C4orf51: variants seen among roughly 807,000 people sequenced by gnomAD.
The protein encoded by C4orf51 is chromosome 4 open reading frame 51, also known as uncharacterized protein C4orf51.
C4orf51 carries 25 observed loss-of-function variants against 25.2 expected under a neutral mutation model. The observed-to-expected ratio is 0.99, with a 90% CI of 0.72 to 1.39. The LOEUF (loss-of-function observed/expected upper bound fraction) is 1.39. Among genes scored for constraint, C4orf51 ranks in the 40% most tolerant of loss-of-function variants. The pLI is 0.00. For synonymous variants in C4orf51, 100 were observed against 84.5 expected (o/e 1.18, Z -1.01); for missense variants, 252 against 239.6 (o/e 1.05, Z -0.34).
At chr4:145,714,977 C>A (rs567207370) in intron 2 of C4orf51, among the ~76,000 whole-genome samples, 7 of 152,302 alleles carry the variant, frequency 4.6e-5, no homozygotes, top group African/African-American at 1.7e-4. Context: ...TGTTTGTCTT[C>A]CCTAGAGCAG....
At chr4:145,775,707 G>A, downstream of C4orf51, 2 of 1,537,136 alleles carry the variant, frequency 1.3e-6, no homozygotes, top group Non-Finnish European at 1.8e-6. Flanking sequence ...GCCTCGTGAT[G>A]TATGCCCACA....
In C4orf51 at chr4:145,765,531, C is replaced by A; in HGVS notation, n.167-5457C>A. The stretch of plus-strand genomic sequence containing the variant: ...GTGCGGAGGGTTGAGCAGGCTCACA[C>A]CCACCTCCTCCTTACCTTTCTCTGG... On this transcript the variant is annotated intron_variant and non_coding_transcript_variant, in intron 1 of 1. Transcript: ENST00000510096. This position sits in a 1 kb window ranked among gnomAD's most constrained non-coding sequence, Gnocchi z 4.7. The A allele has an allele frequency of 6.2e-7, 1 of 1,602,298 alleles. No homozygotes were observed. Among genetic ancestry groups the A allele is most frequent in the Admixed American group, 1.7e-5 (1 of 59,252 alleles).
chr4:145,705,816 A>G (rs1730773618), intron 2 of C4orf51, among the ~76,000 whole-genome samples: 1 of 152,186 alleles, frequency 6.6e-6, no homozygotes, highest in South Asian at 2.1e-4. Flanking sequence ...GATTATTAGA[A>G]TTAGAAGAAT....
intron 2 of C4orf51, among the ~76,000 whole-genome samples, chr4:145,723,238 G>A (rs1731844810): frequency 2.0e-5 from 3 of 152,044 alleles, no homozygotes; most frequent in African/African-American, 7.3e-5. Flanking sequence ...CTGCTTCTAA[G>A]TTGTATTGTT....
At chr4:145,712,259 T>G (rs1312700635) in intron 2 of C4orf51, among the ~76,000 whole-genome samples, 1 of 152,176 alleles carries the variant, frequency 6.6e-6, no homozygotes, top group African/African-American at 2.4e-5. Flanking sequence ...TACTTTAAAT[T>G]AAAAGCTAGA....
intron 2 of C4orf51, among the ~76,000 whole-genome samples, chr4:145,714,616 AT>A (rs1213672756): frequency 6.6e-6 from 1 of 152,128 alleles, no homozygotes; most frequent in East Asian, 1.9e-4. Context: ...TTTCATAACA[AT>A]TATTTTAAAT....
chr4:145,750,530 GTTAC>G (rs1320410245), intron 1 of C4orf51, among the ~76,000 whole-genome samples: 2 of 147,618 alleles, frequency 1.4e-5, no homozygotes, highest in African/African-American at 5.0e-5. Flanking sequence ...TCCATTGTAT[GTTAC>G]TTGTTTCTTT....
chr4:145,788,822 C>T, the C4orf51 span, among the ~76,000 whole-genome samples: 1 of 152,156 alleles, frequency 6.6e-6, no homozygotes, highest in Non-Finnish European at 1.5e-5. Flanking sequence ...ATTTATAAGT[C>T]TTTGTTAGAA....
At chr4:145,768,722 G>C (rs1159586997) in intron 1 of C4orf51, among the ~76,000 whole-genome samples, 1 of 149,370 alleles carries the variant, frequency 6.7e-6, no homozygotes, top group Non-Finnish European at 1.5e-5. Flanking sequence ...GCCAGGTGTG[G>C]TGGCATATGC....
intron 1 of C4orf51, among the ~76,000 whole-genome samples, chr4:145,742,973 T>G (rs1173103206): frequency 6.6e-6 from 1 of 152,086 alleles, no homozygotes; most frequent in African/African-American, 2.4e-5. Context: ...TAAACAGAGC[T>G]CTTTGATGGA....
the C4orf51 span, among the ~76,000 whole-genome samples, chr4:145,791,192 G>C: frequency 5.9e-5 from 9 of 152,186 alleles, no homozygotes; most frequent in Admixed American, 3.3e-4. Context: ...TCAAGGCACT[G>C]GCAGATTCAG....
chr4:145,765,536 C>G lies in C4orf51; in HGVS notation n.167-5452C>G. The G allele has an allele frequency of 1.9e-6, 3 of 1,605,336 alleles. No homozygotes were observed. Among genetic ancestry groups the G allele is most frequent in the Non-Finnish European group, 2.6e-6 (3 of 1,175,600 alleles). ...GAGGGTTGAGCAGGCTCACACCCAC[C>G]TCCTCCTTACCTTTCTCTGGCTTTT... On this transcript the variant is annotated intron_variant and non_coding_transcript_variant, in intron 1 of 1. Coordinates refer to the C4orf51 transcript ENST00000510096. The surrounding 1 kb of genome is among the most constrained non-coding windows in gnomAD (Gnocchi z 4.7).
At chr4:145,683,437 A>AAT (rs1330863463) in intron 1 of C4orf51, among the ~76,000 whole-genome samples, 1 of 152,210 alleles carries the variant, frequency 6.6e-6, no homozygotes, top group Non-Finnish European at 1.5e-5. Context: ...AAAGACCAAG[A>AAT]ATAACCAACA....
intron 1 of C4orf51, among the ~76,000 whole-genome samples, chr4:145,740,551 C>G (rs908569102): frequency 2.6e-5 from 4 of 152,184 alleles, no homozygotes; most frequent in Non-Finnish European, 5.9e-5. Context: ...TGAATAATAA[C>G]CACCCCTTGT....
chr4:145,727,897 A>ATG (rs1732160167), intron 3 of C4orf51, among the ~76,000 whole-genome samples: 5 of 28,122 alleles, frequency 1.8e-4, no homozygotes, highest in African/African-American at 6.8e-4. Flanking sequence ...AAAAATGTGT[A>ATG]TATATATATA....
At chr4:145,776,039 G>T in the C4orf51 span, 1 of 1,529,182 alleles carries the variant, frequency 6.5e-7, no homozygotes, top group South Asian at 1.2e-5. Flanking sequence ...ATCAGTTAAA[G>T]GTATCAAGGA....
chr4:145,766,232 C>T (rs750656789), intron 1 of C4orf51, among the ~76,000 whole-genome samples: 4 of 151,960 alleles, frequency 2.6e-5, no homozygotes, highest in South Asian at 2.1e-4. Flanking sequence ...CATCAGTACT[C>T]GGGACCCTCT....
intron 2 of C4orf51, among the ~76,000 whole-genome samples, 167 bp from the exon 3 acceptor site, chr4:145,726,744 T>A (rs1408327225): frequency 1.3e-5 from 2 of 152,180 alleles, no homozygotes; most frequent in African/African-American, 4.8e-5. Context: ...TACAGTGTTA[T>A]AGAACAACAA....
At chr4:145,760,979 T>G in intron 1 of C4orf51, 1 of 1,248,144 alleles carries the variant, frequency 8.0e-7, no homozygotes, top group East Asian at 5.7e-5. Context: ...GGGGAGCCGT[T>G]GAAGGCCAAA....
Sources: gnomAD v4.1 joint callset for allele counts (sites outside exome capture counted in the v4.1 genomes callset) on GRCh38, gnomAD v4.1.1 for gene constraint, Gnocchi (gnomAD v3.1) non-coding constraint, MANE v1.5 for transcripts, NCBI Gene and HGNC (gene_info 2026-07-23, HGNC 2026-07-21) for gene names.